Variants in PTPRS observed in about 807,000 individuals in gnomAD.
PTPRS encodes the protein receptor-type tyrosine-protein phosphatase S.
Under a neutral mutation model 215.3 loss-of-function variants are expected in PTPRS, and 63 were observed. That is an observed-to-expected ratio of 0.29 (90% CI 0.24 to 0.36). The LOEUF is 0.36. Ranked by LOEUF, PTPRS falls within the 10% of genes least tolerant of loss-of-function variation. The probability of loss-of-function intolerance (pLI) is 1.00; values close to 1 mark genes in which losing one functional copy is unlikely to be tolerated. For missense variants in PTPRS, 2,258 were observed against 2,825.8 expected, an observed-to-expected ratio of 0.80 and a Z score of 4.56; for synonymous variants, 1,404 against 1,191.4, an observed-to-expected ratio of 1.18 and a Z score of -3.68.
At chr19:5,273,719 C>A in intron 3 of PTPRS, 136 bp from the exon 4 acceptor site, 2 of 1,115,854 alleles carry the variant, frequency 1.8e-6, no homozygotes, top group South Asian at 3.1e-5. Flanking sequence ...AGAATTGCTG[C>A]AGGCTGAATG....
chr19:5,215,419 A>C lies in PTPRS; in HGVS notation c.4195-7T>G, dbSNP rs764343980. 5 of 1,593,138 alleles carry C rather than the reference A, an allele frequency of 3.1e-6. No individual in the cohort carries two copies. In the African/African-American group the frequency reaches 6.8e-5, roughly 22 times the overall value. ...GCTGTCCAGGGTCGATGGACTACAG[A>C]GGAAGGGGAGAGCGCGGGTGTCAGG... On this transcript the variant is annotated splice_region_variant and splice_polypyrimidine_tract_variant and intron_variant, in intron 27 of 37. Coordinates refer to ENST00000262963, the MANE Select transcript of PTPRS (RefSeq NM_002850.4).
In PTPRS at chr19:5,210,177, A is replaced by G. The variant is rs1360426851; in HGVS notation, c.5487+292T>C. Among the ~76,000 whole-genome samples, 1 of 151,902 alleles carries G rather than the reference A, an allele frequency of 6.6e-6. No individual in the cohort carries two copies. Among genetic ancestry groups the G allele is most frequent in the Non-Finnish European group, 1.5e-5 (1 of 67,972 alleles). On this transcript the variant is annotated intron_variant, in intron 35 of 37. Coordinates refer to ENST00000262963, the MANE Select transcript of PTPRS (RefSeq NM_002850.4). The surrounding 1 kb of genome is among the most constrained non-coding windows in gnomAD (Gnocchi z 4.5). ...AAGTCCCTTTCAGCCCTTTAACATC[A>G]TCCTCCACAGGTGGCTGCTTCCAGA...
At chr19:5,215,621 G>C (rs2041357592) in intron 26 of PTPRS, 26 bp from the exon 27 acceptor site, 1 of 1,560,422 alleles carries the variant, frequency 6.4e-7, no homozygotes, top group South Asian at 1.2e-5. Context: ...GACCCCGCCG[G>C]GGTTGGTCAC....
In PTPRS at chr19:5,286,187, C is replaced by T. The variant is rs753569984; in HGVS notation, c.-47G>A. 10 of 1,599,950 alleles carry T rather than the reference C, an allele frequency of 6.3e-6. No individual in the cohort carries two copies. The highest frequency in any genetic ancestry group is 2.7e-5 in the African/African-American group (2 of 74,592). On this transcript the variant is annotated 5_prime_UTR_variant, in exon 2 of 38. Transcript: ENST00000262963. ...TCCGCCCTGGAGGGGGATGGCCCCC[C>T]GGTCCCTCACAGAGAGGCCTCGAGC...
chr19:5,261,735 C>T (rs538315011), intron 6 of PTPRS, among the ~76,000 whole-genome samples: 2 of 152,306 alleles, frequency 1.3e-5, no homozygotes, highest in East Asian at 1.9e-4. Context: ...CATCATGAGG[C>T]AGGGGTGGGC....
intron 19 of PTPRS, among the ~76,000 whole-genome samples, chr19:5,221,534 T>C (rs1466558112): frequency 1.3e-5 from 2 of 151,502 alleles, no homozygotes; most frequent in Non-Finnish European, 2.9e-5. Context: ...CCATGCTGAA[T>C]TCCCAGTCCC....
intron 9 of PTPRS, among the ~76,000 whole-genome samples, chr19:5,255,053 C>T (rs1484095214): frequency 6.6e-6 from 1 of 152,218 alleles, no homozygotes; most frequent in Non-Finnish European, 1.5e-5. Context: ...TTCAGCAGTA[C>T]TTCAAATGCC....
At position 5,293,859 on chromosome 19, in the gene PTPRS, G is replaced by A. The variant is rs2049035122; in HGVS notation, c.-94-7625C>T. Among the ~76,000 whole-genome samples the A allele has an allele frequency of 6.6e-6, 1 of 152,192 alleles. No homozygotes were observed. The highest frequency in any genetic ancestry group is 1.5e-5 in the Non-Finnish European group (1 of 68,016). On this transcript the variant is annotated intron_variant, in intron 1 of 37. Coordinates refer to ENST00000262963, the MANE Select transcript of PTPRS (RefSeq NM_002850.4). The surrounding 1 kb of genome is among the most constrained non-coding windows in gnomAD (Gnocchi z 8.4). The stretch of plus-strand genomic sequence containing the variant: ...TCGCCACAAGCCTGAGGAGGGGGCG[G>A]AGAGCACAGGGCCAGATTGGAAACA...
chr19:5,295,054 C>A lies in PTPRS; in HGVS notation c.-94-8820G>T, dbSNP rs1478413183. Among the ~76,000 whole-genome samples, 1 of 152,140 alleles carries A rather than the reference C, an allele frequency of 6.6e-6. No homozygotes were observed. Among genetic ancestry groups the A allele is most frequent in the African/African-American group, 2.4e-5 (1 of 41,424 alleles). On this transcript the variant is annotated intron_variant, in intron 1 of 37. Coordinates refer to ENST00000262963, the MANE Select transcript of PTPRS (RefSeq NM_002850.4). The surrounding 1 kb of genome is among the most constrained non-coding windows in gnomAD (Gnocchi z 4.6). Reference sequence around the variant, plus strand: ...CCAACTTGGCTGGGCACACAGTGGGCCCTCAGGAGCAGAGTAGGCACCTTG... The same window carrying A: ...CCAACTTGGCTGGGCACACAGTGGGACCTCAGGAGCAGAGTAGGCACCTTG...
Position 5,279,140 on chromosome 19 carries a change from C to T in PTPRS, c.92-4796G>A, listed in dbSNP as rs144637457. Reference sequence around the variant, plus strand: ...GGTGGAGGCTGCAGTGAGCTCAGACCGCACCACTGCACTCCAGCCGGGGCA... The same window carrying T: ...GGTGGAGGCTGCAGTGAGCTCAGACTGCACCACTGCACTCCAGCCGGGGCA... On this transcript the variant is annotated intron_variant, in intron 2 of 37. Transcript: ENST00000262963. 4.6e-5 allele frequency among the ~76,000 whole-genome samples: 7 copies of T among 151,364 alleles called. No homozygotes were observed. In the East Asian group the frequency reaches 1.4e-3, roughly 30 times the overall value.
intron 4 of PTPRS, among the ~76,000 whole-genome samples, chr19:5,271,244 C>T (rs1253598799): frequency 6.6e-6 from 1 of 152,176 alleles, no homozygotes; most frequent in Non-Finnish European, 1.5e-5. Context: ...TAACAAGCAT[C>T]TTACTAAACC....
Position 5,215,274 on chromosome 19 carries a change from G to T in PTPRS, c.4318+15C>A. The T allele has an allele frequency of 6.2e-7, 1 of 1,613,172 alleles. No homozygotes were observed. The highest frequency in any genetic ancestry group is 8.5e-7 in the Non-Finnish European group (1 of 1,179,252). On this transcript the variant is annotated intron_variant, in intron 28 of 37. Coordinates refer to ENST00000262963, the MANE Select transcript of PTPRS (RefSeq NM_002850.4). Reference sequence around the variant, plus strand: ...GTGGGGAAGGGCAGGTTAAGACCCGGGATCTCCGAACTACCTTCAATGGGC... The same window carrying T: ...GTGGGGAAGGGCAGGTTAAGACCCGTGATCTCCGAACTACCTTCAATGGGC...
At chr19:5,300,628 G>A (rs1030566539) in intron 1 of PTPRS, among the ~76,000 whole-genome samples, 4 of 151,804 alleles carry the variant, frequency 2.6e-5, no homozygotes, top group East Asian at 1.9e-4. Context: ...AAAATTAGCC[G>A]GGCATGGTGG....
chr19:5,211,486 C>T (rs1377300259), intron 33 of PTPRS, 104 bp downstream of exon 33: 1 of 1,200,916 alleles, frequency 8.3e-7, no homozygotes, highest in Non-Finnish European at 1.1e-6. Context: ...CAGCTCAGGG[C>T]TACCAGTATC....
chr19:5,215,661 G>A, intron 26 of PTPRS, 66 bp from the exon 27 acceptor site: 2 of 1,100,338 alleles, frequency 1.8e-6, no homozygotes, highest in East Asian at 2.5e-5. Flanking sequence ...CTCGGGGGAG[G>A]GGGGTGATCT....
chr19:5,235,401 CTG>C (rs1052639437), intron 13 of PTPRS, among the ~76,000 whole-genome samples: 5 of 152,186 alleles, frequency 3.3e-5, no homozygotes, highest in Admixed American at 2.6e-4. Context: ...TTTGCACACA[CTG>C]TGCCAAGGGC....
chr19:5,255,913 T>G (rs916833088), intron 9 of PTPRS, among the ~76,000 whole-genome samples, 195 bp downstream of exon 9: 35 of 152,020 alleles, frequency 2.3e-4, no homozygotes, highest in Non-Finnish European at 2.1e-4. Flanking sequence ...CGCTTGGCGG[T>G]TTTTTGTTTA....
intron 9 of PTPRS, 115 bp from the exon 10 acceptor site, chr19:5,246,160 AAAG>A: frequency 1.9e-6 from 1 of 537,628 alleles, no homozygotes; most frequent in African/African-American, 2.0e-5. Flanking sequence ...AGGAAGAAAG[AAAG>A]AAGGAAAGAA....
At position 5,210,851 on chromosome 19, in the gene PTPRS, G is replaced by C; in HGVS notation, c.5235-46C>G. 1 of 1,594,584 alleles carries C rather than the reference G, an allele frequency of 6.3e-7. No homozygotes were observed. The stretch of plus-strand genomic sequence containing the variant: ...AGCCCAGGGCCGGCAGGGAGACCCG[G>C]CGTGGTACTCACCTGATGCTGCCCG... On this transcript the variant is annotated intron_variant, in intron 33 of 37. Coordinates refer to ENST00000262963, the MANE Select transcript of PTPRS (RefSeq NM_002850.4). This position sits in a 1 kb window ranked among gnomAD's most constrained non-coding sequence, Gnocchi z 4.5.
Sources: gnomAD v4.1 joint callset for allele counts (sites outside exome capture counted in the v4.1 genomes callset) on GRCh38, gnomAD v4.1.1 for gene constraint, Gnocchi (gnomAD v3.1) non-coding constraint, MANE v1.5 for transcripts, NCBI Gene and HGNC (gene_info 2026-07-23, HGNC 2026-07-21) for gene names.